The following PDE8B variants were observed in gnomAD, a reference collection of about 807,000 sequenced individuals.
The protein encoded by PDE8B is high affinity cAMP-specific and IBMX-insensitive 3',5'-cyclic phosphodiesterase 8B.
A neutral mutation model predicts 101.3 loss-of-function variants in PDE8B; 26 were observed. The ratio of observed to expected loss-of-function variants is 0.26; its 90% CI spans 0.19 to 0.36. PDE8B has a LOEUF of 0.36. Ranked by LOEUF, PDE8B falls within the 10% of genes least tolerant of loss-of-function variation. The pLI, the probability that PDE8B is intolerant of heterozygous loss-of-function variation, is 1.00. For missense variants in PDE8B, 810 were observed against 1,163.1 expected, an observed-to-expected ratio of 0.70 and a Z score of 4.42; for synonymous variants, 424 against 429.3, an observed-to-expected ratio of 0.99 and a Z score of 0.15.
chr5:77,184,874 A>G, the PDE8B span, among the ~76,000 whole-genome samples: 8 of 152,288 alleles, frequency 5.3e-5, no homozygotes, highest in African/African-American at 1.9e-4. Context: ...ATAAAATATA[A>G]AGATTTATTT....
chr5:77,117,405 T>TG, the PDE8B span, among the ~76,000 whole-genome samples: 3 of 152,188 alleles, frequency 2.0e-5, no homozygotes. Context: ...TATGTGAACT[T>TG]GCTGATTGAG....
chr5:77,337,192 A>G (rs781352838), intron 5 of PDE8B, 35 bp from the exon 6 acceptor site: 7 of 1,125,060 alleles, frequency 6.2e-6, no homozygotes, highest in Admixed American at 1.8e-5. Flanking sequence ...AAGTAATTAT[A>G]TATGTCTTAT....
At chr5:77,196,459 TAA>T in the PDE8B span, among the ~76,000 whole-genome samples, 20 of 152,162 alleles carry the variant, frequency 1.3e-4, no homozygotes, top group Non-Finnish European at 2.9e-5. Context: ...TGGGATGAGG[TAA>T]AAATAAAATT....
chr5:77,261,773 A>G (rs1488800187), intron 1 of PDE8B, among the ~76,000 whole-genome samples: 1 of 152,216 alleles, frequency 6.6e-6, no homozygotes, highest in East Asian at 1.9e-4. Flanking sequence ...ATGTGCTTCT[A>G]AATCCCAATG....
chr5:77,104,929 A>G, the PDE8B span: 1 of 152,330 alleles, frequency 6.6e-6, no homozygotes, highest in African/African-American at 2.4e-5. Context: ...CATAACCCTC[A>G]AAAGTTCCCT....
chr5:77,125,212 G>A, the PDE8B span, among the ~76,000 whole-genome samples: 1 of 152,170 alleles, frequency 6.6e-6, no homozygotes, highest in Admixed American at 6.5e-5. Flanking sequence ...ATGTTGTCCA[G>A]GCTGGTCTCA....
chr5:77,160,273 T>C, the PDE8B span, among the ~76,000 whole-genome samples: 1 of 152,162 alleles, frequency 6.6e-6, no homozygotes, highest in African/African-American at 2.4e-5. Flanking sequence ...AATAATAAAT[T>C]ATAGTAATCT....
chr5:77,355,214 G>A (rs919258390), intron 10 of PDE8B, among the ~76,000 whole-genome samples: 10 of 152,148 alleles, frequency 6.6e-5, no homozygotes, highest in South Asian at 2.1e-4. Context: ...AAGTAGAAAC[G>A]CCTTTACTAC....
At position 77,210,909 on chromosome 5, in the gene PDE8B, G is replaced by A. The variant is rs1482416600; in HGVS notation, c.-17G>A. The A allele has an allele frequency of 1.5e-6, 2 of 1,350,750 alleles. No homozygotes were observed. Among genetic ancestry groups the A allele is most frequent in the Admixed American group, 3.0e-5 (1 of 33,436 alleles). 83.7% of individuals were successfully genotyped at this position (1,350,750 alleles called of 1,614,324 possible). A position where few individuals can be genotyped will look rare whatever the true frequency, so the allele number is the denominator to read the frequency against. On this transcript the variant is annotated 5_prime_UTR_variant, in exon 1 of 22. Coordinates refer to ENST00000264917, the MANE Select transcript of PDE8B (RefSeq NM_003719.5). This position sits in a 1 kb window ranked among gnomAD's most constrained non-coding sequence, Gnocchi z 4.9. ...GCCGCGGGCGCGGGCGGGCGCGCGG[G>A]GGAGCCCGGCCGAGGGATGGGCTGC...
chr5:77,121,217 G>C, the PDE8B span, among the ~76,000 whole-genome samples: 1 of 152,016 alleles, frequency 6.6e-6, no homozygotes, highest in Non-Finnish European at 1.5e-5. Flanking sequence ...TGCATTCATC[G>C]GAAAACTTGA....
At chr5:77,156,175 T>C in the PDE8B span, among the ~76,000 whole-genome samples, 1 of 151,938 alleles carries the variant, frequency 6.6e-6, no homozygotes, top group Non-Finnish European at 1.5e-5. Context: ...ACATCTTGGG[T>C]GGTAGAGGGA....
At chr5:77,402,079 A>G (rs1792398922) in intron 11 of PDE8B, among the ~76,000 whole-genome samples, 1 of 152,140 alleles carries the variant, frequency 6.6e-6, no homozygotes, top group African/African-American at 2.4e-5. Context: ...TTTAAGTTAG[A>G]TTTAACTTAT....
At chr5:77,348,221 C>T (rs549437357) in intron 7 of PDE8B, among the ~76,000 whole-genome samples, 6 of 152,242 alleles carry the variant, frequency 3.9e-5, no homozygotes, top group African/African-American at 7.2e-5. Context: ...CGAACATCTC[C>T]GAAGCAGCAG....
chr5:77,388,810 C>T (rs574557311), intron 10 of PDE8B, among the ~76,000 whole-genome samples: 59 of 152,244 alleles, frequency 3.9e-4, no homozygotes, highest in African/African-American at 1.4e-3. Flanking sequence ...GCCACAGCGG[C>T]CTTACTGAGC....
At chr5:77,382,999 T>C (rs1320013731) in intron 10 of PDE8B, among the ~76,000 whole-genome samples, 1 of 152,210 alleles carries the variant, frequency 6.6e-6, no homozygotes, top group Non-Finnish European at 1.5e-5. Context: ...TCTAGATCCT[T>C]GAGGAATCGC....
At chr5:77,261,192 A>C (rs1022153200) in intron 1 of PDE8B, among the ~76,000 whole-genome samples, 20 of 152,212 alleles carry the variant, frequency 1.3e-4, no homozygotes, top group Middle Eastern at 3.2e-3. Flanking sequence ...AATTCTCTAG[A>C]GGAGGTAGTA....
At chr5:77,366,602 T>C (rs779850420) in intron 10 of PDE8B, among the ~76,000 whole-genome samples, 2 of 152,080 alleles carry the variant, frequency 1.3e-5, no homozygotes, top group Non-Finnish European at 2.9e-5. Context: ...GCGCCTATGC[T>C]TGGGGAACTC....
At chr5:77,094,571 C>T in the PDE8B span, among the ~76,000 whole-genome samples, 5 of 152,198 alleles carry the variant, frequency 3.3e-5, no homozygotes, top group South Asian at 4.2e-4. Flanking sequence ...TTCTCAAAGT[C>T]TTGGGATTAT....
chr5:77,293,093 A>G (rs1462371368), intron 1 of PDE8B, among the ~76,000 whole-genome samples: 1 of 152,172 alleles, frequency 6.6e-6, no homozygotes, highest in Non-Finnish European at 1.5e-5. Context: ...ATTATTATTG[A>G]ATTATCCATT....
Sources: gnomAD v4.1 joint callset for allele counts (sites outside exome capture counted in the v4.1 genomes callset) on GRCh38, gnomAD v4.1.1 for gene constraint, Gnocchi (gnomAD v3.1) non-coding constraint, MANE v1.5 for transcripts, NCBI Gene and HGNC (gene_info 2026-07-23, HGNC 2026-07-21) for gene names.